The following REDIC1 variants were observed in gnomAD, a reference collection of about 807,000 sequenced individuals.
REDIC1 encodes the protein regulator of DNA class I crossover intermediates 1, also known as HEI10 Interacting Protein 1.
chr12:39,669,740 G>T, the REDIC1 span, among the ~76,000 whole-genome samples: 588 of 152,320 alleles, frequency 3.9e-3, 4 homozygotes, highest in African/African-American at 0.013. Context: ...ACCTACTTAA[G>T]CCTCCGCCGT....
the REDIC1 span, chr12:39,650,191 A>G: frequency 6.8e-7 from 1 of 1,463,020 alleles, no homozygotes; most frequent in South Asian, 1.5e-5. The surrounding 1 kb of genome is among the most constrained non-coding windows in gnomAD (Gnocchi z 4.3). Flanking sequence ...TAAATTGTAT[A>G]TATGTACATT....
the REDIC1 span, chr12:39,683,208 G>T: frequency 1.1e-5 from 16 of 1,412,470 alleles, no homozygotes; most frequent in Middle Eastern, 2.1e-4. Context: ...ATATATATTT[G>T]TATATTCATA....
At chr12:39,697,418 G>T in the REDIC1 span, among the ~76,000 whole-genome samples, 1 of 152,168 alleles carries the variant, frequency 6.6e-6, no homozygotes, top group Admixed American at 6.5e-5. Flanking sequence ...GAAATCATCT[G>T]AAGGTACAAA....
the REDIC1 span, among the ~76,000 whole-genome samples, chr12:39,823,708 C>T: frequency 3.9e-5 from 6 of 152,172 alleles, no homozygotes; most frequent in African/African-American, 7.2e-5. Flanking sequence ...TTTCACCTCT[C>T]GAGTAGCTGG....
the REDIC1 span, among the ~76,000 whole-genome samples, chr12:39,900,372 A>C: frequency 1.3e-5 from 2 of 152,212 alleles, no homozygotes; most frequent in Admixed American, 1.3e-4. Flanking sequence ...AAAGGGGATT[A>C]TATTAGGAAA....
chr12:39,729,546 T>C, the REDIC1 span, among the ~76,000 whole-genome samples: 1 of 152,226 alleles, frequency 6.6e-6, no homozygotes, highest in African/African-American at 2.4e-5. Flanking sequence ...ATTTCCATTC[T>C]TTTGCATTTG....
the REDIC1 span, among the ~76,000 whole-genome samples, chr12:39,857,553 T>G: frequency 6.6e-6 from 1 of 152,338 alleles, no homozygotes; most frequent in South Asian, 2.1e-4. Flanking sequence ...TCTTTTAACC[T>G]TTCTCCCTTC....
the REDIC1 span, among the ~76,000 whole-genome samples, chr12:39,869,975 A>G: frequency 6.6e-6 from 1 of 152,204 alleles, no homozygotes; most frequent in African/African-American, 2.4e-5. Flanking sequence ...CCCATTCACA[A>G]ATGAGAAAAT....
At chr12:39,785,026 A>T in the REDIC1 span, among the ~76,000 whole-genome samples, 4 of 152,214 alleles carry the variant, frequency 2.6e-5, no homozygotes, top group Non-Finnish European at 4.4e-5. Context: ...TTGCAGCCTT[A>T]TGATGTAGTA....
At chr12:39,905,999 T>G in the REDIC1 span, among the ~76,000 whole-genome samples, 2 of 152,168 alleles carry the variant, frequency 1.3e-5, no homozygotes, top group African/African-American at 2.4e-5. Context: ...ATATAACAGC[T>G]GATTAAGAGG....
the REDIC1 span, among the ~76,000 whole-genome samples, chr12:39,711,081 A>G: frequency 2.6e-5 from 4 of 151,408 alleles, no homozygotes; most frequent in South Asian, 2.1e-4. Flanking sequence ...AGTCCATTGT[A>G]TCATACTTAT....
the REDIC1 span, among the ~76,000 whole-genome samples, chr12:39,848,028 T>G: frequency 6.6e-6 from 1 of 152,136 alleles, no homozygotes; most frequent in East Asian, 1.9e-4. Flanking sequence ...CAGTAATGTG[T>G]GCCAAATGAA....
chr12:39,679,856 A>T, the REDIC1 span, among the ~76,000 whole-genome samples: 3 of 152,212 alleles, frequency 2.0e-5, no homozygotes, highest in Non-Finnish European at 4.4e-5. Context: ...AAGTCAACTG[A>T]TCTTCGACAA....
the REDIC1 span, among the ~76,000 whole-genome samples, chr12:39,818,220 T>C: frequency 6.6e-6 from 1 of 151,824 alleles, no homozygotes; most frequent in African/African-American, 2.4e-5. Context: ...ATTCCCCCAG[T>C]CATGTACATC....
chr12:39,792,309 G>A, the REDIC1 span, among the ~76,000 whole-genome samples: 2 of 149,848 alleles, frequency 1.3e-5, no homozygotes, highest in Non-Finnish European at 3.0e-5. Context: ...CAGGACACAG[G>A]CGTGGGCAAG....
At chr12:39,776,758 A>G in the REDIC1 span, among the ~76,000 whole-genome samples, 2 of 151,984 alleles carry the variant, frequency 1.3e-5, no homozygotes, top group South Asian at 2.1e-4. Context: ...TAACTTTCCT[A>G]TGCACCTATA....
chr12:39,683,510 A>G, the REDIC1 span: 1 of 1,497,758 alleles, frequency 6.7e-7, no homozygotes, highest in African/African-American at 1.4e-5. Context: ...AATCTGGGGA[A>G]TACAAATCAG....
the REDIC1 span, among the ~76,000 whole-genome samples, chr12:39,854,257 A>G: frequency 6.6e-6 from 1 of 152,202 alleles, no homozygotes; most frequent in Middle Eastern, 3.2e-3. Flanking sequence ...AATAATAATA[A>G]TAACAGTATC....
At chr12:39,633,096 T>G in the REDIC1 span, among the ~76,000 whole-genome samples, 111 of 151,992 alleles carry the variant, frequency 7.3e-4, 1 homozygote, top group African/African-American at 2.4e-3. Flanking sequence ...ATTATTATTA[T>G]ATTTTAAATT....
Sources: gnomAD v4.1 joint callset for allele counts (sites outside exome capture counted in the v4.1 genomes callset) on GRCh38, gnomAD v4.1.1 for gene constraint, Gnocchi (gnomAD v3.1) non-coding constraint, MANE v1.5 for transcripts, NCBI Gene and HGNC (gene_info 2026-07-23, HGNC 2026-07-21) for gene names.